Variants in RBMS2 observed in about 807,000 individuals in gnomAD.
RBMS2 encodes the protein RNA-binding motif, single-stranded-interacting protein 2.
RBMS2 carries 38 observed loss-of-function variants against 58.4 expected under a neutral mutation model. The ratio of observed to expected loss-of-function variants is 0.65; its 90% confidence interval spans 0.50 to 0.85. RBMS2 has a LOEUF of 0.85. RBMS2 is among the 40% of genes least tolerant of loss of function. The pLI, the probability that RBMS2 is intolerant of heterozygous loss-of-function variation, is 0.00. For missense variants in RBMS2, 367 were observed against 503.7 expected, an observed-to-expected ratio of 0.73 and a Z score of 2.60; for synonymous variants, 151 against 180.7, an observed-to-expected ratio of 0.84 and a Z score of 1.32.
chr12:56,545,078 C>T (rs758136780), intron 1 of RBMS2, among the ~76,000 whole-genome samples: 1 of 152,072 alleles, frequency 6.6e-6, no homozygotes, highest in South Asian at 2.1e-4. Flanking sequence ...CAGCCTTCCC[C>T]TCCCAGTCCC....
At chr12:56,520,563 C>T (rs1871634013), upstream of RBMS2, among the ~76,000 whole-genome samples, 1 of 152,160 alleles carries the variant, frequency 6.6e-6, no homozygotes, top group Non-Finnish European at 1.5e-5. Context: ...TACTGGATAT[C>T]ATTCTTAAGT....
intron 1 of RBMS2, among the ~76,000 whole-genome samples, chr12:56,524,053 G>A (rs1213366733): frequency 1.3e-5 from 2 of 151,978 alleles, no homozygotes; most frequent in East Asian, 1.9e-4. Flanking sequence ...GAGGTTTCAC[G>A]TATTTGAAGC....
In RBMS2 at chr12:56,582,040, T is replaced by C; in HGVS notation, c.780-19T>C. The C allele has an allele frequency of 6.3e-7, 1 of 1,588,308 alleles. No individual in the cohort carries two copies. Among genetic ancestry groups the C allele is most frequent in the Non-Finnish European group, 8.6e-7 (1 of 1,162,458 alleles). ...GTGGTTTCCTGTGACTCAGTACTGA[T>C]TGAGGTTCCTTCCCACAGGTTTTAC... is the stretch of plus-strand genomic sequence containing the variant. On this transcript the variant is annotated intron_variant, in intron 8 of 13. Transcript: ENST00000262031.
chr12:56,574,650 A>C (rs1882839009), intron 5 of RBMS2, among the ~76,000 whole-genome samples: 1 of 152,170 alleles, frequency 6.6e-6, no homozygotes, highest in Non-Finnish European at 1.5e-5. Context: ...GGCTTTAGAG[A>C]CTTTTGAAAA....
At chr12:56,570,535 C>A (rs963295977) in intron 4 of RBMS2, among the ~76,000 whole-genome samples, 3 of 152,180 alleles carry the variant, frequency 2.0e-5, no homozygotes, top group Admixed American at 6.5e-5. Flanking sequence ...TCTCTCACTT[C>A]TTCTGTTAGG....
In RBMS2 at chr12:56,544,137, G is replaced by A. The variant is rs954123307; in HGVS notation, c.67-18280G>A. On this transcript the variant is annotated intron_variant, in intron 1 of 13. Transcript: ENST00000262031. ...CTAAAAATACAAAAATTAGCCAGGCGTGGTGTCGCATGCCTGTAATCCCAG... is the reference window on the plus strand; with the variant it reads ...CTAAAAATACAAAAATTAGCCAGGCATGGTGTCGCATGCCTGTAATCCCAG... Among the ~76,000 whole-genome samples, 21 of 152,042 alleles carry A rather than the reference G, an allele frequency of 1.4e-4. 1 individual carries two copies. In the East Asian group the frequency reaches 3.7e-3, roughly 27 times the overall value.
intron 9 of RBMS2, among the ~76,000 whole-genome samples, chr12:56,586,588 C>G (rs935425466): frequency 2.7e-5 from 4 of 150,752 alleles, no homozygotes; most frequent in African/African-American, 9.8e-5. Context: ...TTTTTAGTGA[C>G]AGGGTCTCAC....
At chr12:56,550,480 T>C (rs951079549) in intron 1 of RBMS2, among the ~76,000 whole-genome samples, 4 of 151,912 alleles carry the variant, frequency 2.6e-5, no homozygotes, top group African/African-American at 9.7e-5. Context: ...CAGTGAACTG[T>C]GATCATGTCA....
intron 5 of RBMS2, among the ~76,000 whole-genome samples, chr12:56,575,113 C>T (rs1057191395): frequency 6.6e-6 from 1 of 151,562 alleles, no homozygotes; most frequent in Admixed American, 6.6e-5. Context: ...TGCACCAAGG[C>T]GCTTCAGCCT....
chr12:56,575,526 C>T (rs1423958384), intron 5 of RBMS2, among the ~76,000 whole-genome samples: 1 of 151,652 alleles, frequency 6.6e-6, no homozygotes, highest in African/African-American at 2.4e-5. Context: ...CCCATAGGAC[C>T]CCCAGCCACT....
At chr12:56,547,698 G>A (rs929176557) in intron 1 of RBMS2, among the ~76,000 whole-genome samples, 3 of 150,188 alleles carry the variant, frequency 2.0e-5, no homozygotes, top group African/African-American at 7.3e-5. Context: ...GCCCAGGCTG[G>A]AGTGCAATGG....
chr12:56,564,320 T>A (rs1880957849), intron 2 of RBMS2, among the ~76,000 whole-genome samples: 1 of 152,086 alleles, frequency 6.6e-6, no homozygotes, highest in Admixed American at 6.6e-5. Context: ...TTCCAGGACC[T>A]CCTCTGTCCC....
intron 2 of RBMS2, among the ~76,000 whole-genome samples, chr12:56,566,464 C>T (rs1356892331): frequency 6.6e-6 from 1 of 152,186 alleles, no homozygotes; most frequent in East Asian, 1.9e-4. Context: ...CACTACTACT[C>T]AAGTTTTAGA....
chr12:56,551,079 C>T (rs900879408), intron 1 of RBMS2, among the ~76,000 whole-genome samples: 19 of 149,162 alleles, frequency 1.3e-4, no homozygotes, highest in Admixed American at 4.0e-4. Flanking sequence ...GATCGCGCAC[C>T]ACTGCACTCC....
intron 1 of RBMS2, among the ~76,000 whole-genome samples, chr12:56,526,051 A>G (rs955949009): frequency 2.1e-4 from 32 of 152,150 alleles, no homozygotes; most frequent in Middle Eastern, 3.4e-3. Flanking sequence ...TCACGCCTGT[A>G]ATCCCAGCTC....
chr12:56,586,158 C>T (rs1189319657), intron 9 of RBMS2, among the ~76,000 whole-genome samples: 1 of 152,128 alleles, frequency 6.6e-6, no homozygotes, highest in South Asian at 2.1e-4. Context: ...GAAACCCTGT[C>T]TCTACTGAAA....
chr12:56,581,713 G>A (rs550505084), intron 7 of RBMS2, 120 bp from the exon 8 acceptor site: 1 of 1,276,812 alleles, frequency 7.8e-7, no homozygotes, highest in Non-Finnish European at 1.1e-6. Context: ...AACAGCTGTA[G>A]TGGGACTTGT....
intron 2 of RBMS2, among the ~76,000 whole-genome samples, chr12:56,564,372 CT>C (rs900323770): frequency 1.3e-5 from 2 of 151,846 alleles, no homozygotes; most frequent in African/African-American, 2.4e-5. Flanking sequence ...TGTCCCTACG[CT>C]TTTTTTTCTT....
At chr12:56,562,735 C>T in intron 2 of RBMS2, 152 bp downstream of exon 2, 1 of 868,322 alleles carries the variant, frequency 1.2e-6, no homozygotes, top group Non-Finnish European at 1.8e-6. Context: ...CATGCCACCA[C>T]TCCTGGCCTT....
Sources: gnomAD v4.1 joint callset for allele counts (sites outside exome capture counted in the v4.1 genomes callset) on GRCh38, gnomAD v4.1.1 for gene constraint, MANE v1.5 for transcripts, NCBI Gene and HGNC (gene_info 2026-07-23, HGNC 2026-07-21) for gene names.